Variants in LRP8 observed in about 807,000 individuals in gnomAD.
LRP8 encodes LDL receptor related protein 8.
Under a neutral mutation model 111.6 loss-of-function variants are expected in LRP8, and 46 were observed. The observed-to-expected ratio is 0.41, with a 90% CI of 0.33 to 0.53. The LOEUF (loss-of-function observed/expected upper bound fraction) is 0.53. Among genes scored for constraint, LRP8 ranks in the 20% least tolerant of loss-of-function variants. The pLI is 0.20. For missense variants in LRP8, 959 were observed against 1,297.4 expected (o/e 0.74, Z 4.01); for synonymous variants, 464 against 511.2 (o/e 0.91, Z 1.24).
intron 3 of LRP8, among the ~76,000 whole-genome samples, chr1:53,286,677 C>T (rs889536131): frequency 6.6e-6 from 1 of 152,252 alleles, no homozygotes; most frequent in Admixed American, 6.5e-5. Flanking sequence ...CTGGGAGAAA[C>T]CCCAGCCAGC....
chr1:53,307,638 C>T (rs546161896), intron 2 of LRP8, among the ~76,000 whole-genome samples: 3 of 152,206 alleles, frequency 2.0e-5, no homozygotes, highest in African/African-American at 4.8e-5. Context: ...GCACACAGAC[C>T]GCATACCCAC....
intron 4 of LRP8, among the ~76,000 whole-genome samples, chr1:53,278,390 G>T (rs1296578625): frequency 2.0e-5 from 3 of 152,246 alleles, no homozygotes; most frequent in Non-Finnish European, 4.4e-5. Flanking sequence ...TGAGGTGGTG[G>T]TGGCAGCACC....
rs926379334 is a variant in LRP8, at chr1:53,252,540, T to TAAAAAG, written c.2504-1684_2504-1679dup. 7.9e-5 allele frequency among the ~76,000 whole-genome samples: 12 copies of TAAAAAG among 151,964 alleles called. 1 individual carries two copies. In the East Asian group the frequency reaches 9.7e-4, roughly 12 times the overall value. On this transcript the variant is annotated intron_variant, in intron 16 of 18. Coordinates refer to ENST00000306052, the MANE Select transcript of LRP8 (RefSeq NM_004631.5). ...AAGAGTGCAAGATCTTCTTGTCTCT[T>TAAAAAG]AAAAAGAAAAAGAAAAAGAAAAAGT...
rs757752881 is a variant in LRP8 at position 53,260,516 on chromosome 1, G to T, written c.2004C>A (p.Asn668Lys). Residue 668 changes from asparagine (N) to lysine (K), a missense_variant, in exon 13 of 19, where the codon AAC (asparagine) becomes AAA (lysine). Coordinates refer to ENST00000306052, the MANE Select transcript of LRP8 (RefSeq NM_004631.5). ...NGLEISILAENLNNPHDIVIF... is the reference protein window; with the variant it reads ...NGLEISILAEKLNNPHDIVIF... ...TGACAATGTCATGTGGGTTGTTGAG[G>T]TTCTCAGCCAGGATGGAGATTTCCA... is the stretch of plus-strand genomic sequence containing the variant. 6.2e-7 allele frequency: 1 copy of T among 1,614,098 alleles called. No individual in the cohort carries two copies. The highest frequency in any genetic ancestry group is 1.3e-5 in the African/African-American group (1 of 74,928).
chr1:53,247,126 C>T (rs1645751306), intron 18 of LRP8, 70 bp from the exon 19 acceptor site: 1 of 1,243,240 alleles, frequency 8.0e-7, no homozygotes, highest in South Asian at 1.4e-5. Flanking sequence ...ATTGACAAAT[C>T]ACAGACTTAC....
At chr1:53,306,016 T>TCC (rs1651887498) in intron 2 of LRP8, 1 of 152,174 alleles carries the variant, frequency 6.6e-6, no homozygotes, top group African/African-American at 2.4e-5. Context: ...AGGACCCTCC[T>TCC]CCCCTTCTCT....
At position 53,317,870 on chromosome 1, in the gene LRP8, G is replaced by A. The variant is rs538191985; in HGVS notation, c.244+9003C>T. ...ACCCAAGGAACCTGGGCCTCAGGGT[G>A]GAGCTCTGGAAGTGGAGCTAAGGAG... On this transcript the variant is annotated intron_variant, in intron 2 of 18. Coordinates refer to ENST00000306052, the MANE Select transcript of LRP8 (RefSeq NM_004631.5). This position sits in a 1 kb window ranked among gnomAD's most constrained non-coding sequence, Gnocchi z 4.9. Among the ~76,000 whole-genome samples, 17 of 152,336 alleles carry A rather than the reference G, an allele frequency of 1.1e-4. No individual in the cohort carries two copies. Among genetic ancestry groups the A allele is most frequent in the African/African-American group, 4.1e-4 (17 of 41,566 alleles).
At chr1:53,264,110 GAC>G (rs973991295) in intron 10 of LRP8, 57 bp downstream of exon 10, 1 of 1,516,954 alleles carries the variant, frequency 6.6e-7, no homozygotes, top group African/African-American at 1.4e-5. Context: ...CCTTGTGACA[GAC>G]ACAAGAGGAC....
intron 4 of LRP8, among the ~76,000 whole-genome samples, chr1:53,278,638 T>C (rs529861571): frequency 6.6e-6 from 1 of 152,142 alleles, no homozygotes; most frequent in African/African-American, 2.4e-5. Context: ...CCACTGCCAC[T>C]GCCCCTCAAT....
chr1:53,302,816 A>G (rs957456756), intron 2 of LRP8, among the ~76,000 whole-genome samples: 1 of 149,642 alleles, frequency 6.7e-6, no homozygotes, highest in Non-Finnish European at 1.5e-5. Context: ...CAGCTTCCCA[A>G]GTAGCTGGGA....
chr1:53,306,260 C>G (rs1437344706), intron 2 of LRP8: 3 of 152,258 alleles, frequency 2.0e-5, no homozygotes, highest in Non-Finnish European at 2.9e-5. Flanking sequence ...CCCTATTTAC[C>G]CTCCAGCATT....
chr1:53,271,488 C>A (rs1212320485), intron 6 of LRP8, 142 bp from the exon 7 acceptor site: 2 of 884,234 alleles, frequency 2.3e-6, no homozygotes, highest in African/African-American at 3.4e-5. Context: ...CTCACTGAGC[C>A]TCAGCCTCAT....
chr1:53,310,709 A>G (rs1218237207), intron 2 of LRP8, among the ~76,000 whole-genome samples: 1 of 152,116 alleles, frequency 6.6e-6, no homozygotes, highest in Non-Finnish European at 1.5e-5. Context: ...AACCAGAAAG[A>G]ACTTCGTTTC....
At chr1:53,269,214 G>A (rs1332429305) in intron 8 of LRP8, among the ~76,000 whole-genome samples, 5 of 152,160 alleles carry the variant, frequency 3.3e-5, no homozygotes, top group Non-Finnish European at 7.3e-5. Context: ...CTGCATTAGG[G>A]CTTTTGCGGT....
At position 53,246,707 on chromosome 1, in the gene LRP8, T is replaced by A. The variant is rs1016671066; in HGVS notation, c.*311A>T. ...AAATGATGAGTAAGGTACTGTGCCA[T>A]TGGCCCCCATTTGGTTATGTGCATC... On this transcript the variant is annotated 3_prime_UTR_variant, in exon 19 of 19. Transcript: ENST00000306052. 8.4e-6 allele frequency: 3 copies of A among 357,424 alleles called. No individual in the cohort carries two copies. The Admixed American group carries it at 1.6e-4, about 19-fold the overall frequency. 22.1% of individuals were successfully genotyped at this position (357,424 alleles called of 1,614,324 possible). A position where few individuals can be genotyped will look rare whatever the true frequency, so the allele number is the denominator to read the frequency against.
intron 15 of LRP8, 62 bp downstream of exon 15, chr1:53,257,178 C>G (rs539958733): frequency 1.0e-5 from 15 of 1,497,412 alleles, no homozygotes; most frequent in South Asian, 3.5e-5. Flanking sequence ...TCACATACCC[C>G]CTTCCTGGCT....
rs1457813393 is a variant in LRP8 at position 53,294,995 on chromosome 1, T to C, written c.245-5306A>G. ...CCTGCCGTGTTGGACTCCAGGGTCT[T>C]GAGGCCCCCTACGTGGGTCTCCCAT... On this transcript the variant is annotated intron_variant, in intron 2 of 18. Transcript: ENST00000306052. The surrounding 1 kb of genome is among the most constrained non-coding windows in gnomAD (Gnocchi z 4.1). Among the ~76,000 whole-genome samples the C allele has an allele frequency of 6.6e-6, 1 of 152,216 alleles. No homozygotes were observed. Among genetic ancestry groups the C allele is most frequent in the Admixed American group, 6.5e-5 (1 of 15,284 alleles).
Position 53,317,947 on chromosome 1 carries a change from C to T in LRP8, c.244+8926G>A, listed in dbSNP as rs908307310. 1.3e-5 allele frequency among the ~76,000 whole-genome samples: 2 copies of T among 152,214 alleles called. No homozygotes were observed. Among genetic ancestry groups the T allele is most frequent in the Admixed American group, 6.5e-5 (1 of 15,282 alleles). ...AATCCAGCCCACCAAGCCAGCTATA[C>T]TCCCCGCACTGTCACCAGGTAGTAA... On this transcript the variant is annotated intron_variant, in intron 2 of 18. Transcript: ENST00000306052. The surrounding 1 kb of genome is among the most constrained non-coding windows in gnomAD (Gnocchi z 4.9).
intron 8 of LRP8, chr1:53,267,839 C>T (rs1328924923): frequency 2.0e-5 from 3 of 152,232 alleles, no homozygotes; most frequent in Non-Finnish European, 4.4e-5. Flanking sequence ...TATTGGGCCA[C>T]TCTCAGGCAC....
Sources: allele counts gnomAD v4.1 joint callset (sites outside exome capture counted in the v4.1 genomes callset), GRCh38; gene constraint gnomAD v4.1.1; non-coding constraint Gnocchi (gnomAD v3.1); transcripts MANE v1.5; gene names NCBI Gene and HGNC (gene_info 2026-07-23, HGNC 2026-07-21).